CEP63: variants seen among roughly 807,000 people sequenced by gnomAD.
The protein encoded by CEP63 is centrosomal protein 63, also known as centrosomal protein of 63 kDa.
Under a neutral mutation model 89.1 loss-of-function variants are expected in CEP63, and 84 were observed. The ratio of observed to expected loss-of-function variants is 0.94; its 90% CI spans 0.79 to 1.13. The LOEUF is 1.13. Ranked by LOEUF, CEP63 falls within the 50% of genes most tolerant of loss-of-function variation. CEP63 has a pLI of 0.00. For synonymous variants in CEP63, 267 were observed against 272.5 expected, an observed-to-expected ratio of 0.98 and a Z score of 0.20; for missense variants, 838 against 813.3, an observed-to-expected ratio of 1.03 and a Z score of -0.37.
At chr3:134,528,426 C>T (rs982702892) in intron 3 of CEP63, among the ~76,000 whole-genome samples, 7 of 152,274 alleles carry the variant, frequency 4.6e-5, no homozygotes, top group East Asian at 1.9e-4. Flanking sequence ...TTGAGAACTC[C>T]GTAGTCAGCT....
At chr3:134,609,165 C>G in the CEP63 span, among the ~76,000 whole-genome samples, 1 of 152,228 alleles carries the variant, frequency 6.6e-6, no homozygotes, top group African/African-American at 2.4e-5. Flanking sequence ...GTGGACCACG[C>G]AGTGGGGTCG....
intron 1 of CEP63, among the ~76,000 whole-genome samples, chr3:134,492,875 A>G (rs1938228943): frequency 6.6e-6 from 1 of 152,182 alleles, no homozygotes; most frequent in South Asian, 2.1e-4. Context: ...AGTTTATCAT[A>G]GTCAAGTTAT....
In CEP63 at chr3:134,506,896, C is replaced by A. The variant is rs1943574384; in HGVS notation, c.45-213C>A. On this transcript the variant is annotated intron_variant, in intron 2 of 14. Coordinates refer to ENST00000675561, the MANE Select transcript of CEP63 (RefSeq NM_001353108.3). ...TCATGCCACTGCACTCCAGCCTGGGCAACAAGAATGAAACTCCATCTCAAA... is the reference window on the plus strand; with the variant it reads ...TCATGCCACTGCACTCCAGCCTGGGAAACAAGAATGAAACTCCATCTCAAA... Among the ~76,000 whole-genome samples, 3 of 88,726 alleles carry A rather than the reference C, an allele frequency of 3.4e-5. No individual in the cohort carries two copies. In the South Asian group the frequency reaches 1.1e-3, roughly 33 times the overall value. The allele number at this position is 88,726 out of a possible 152,430, so 58.2% of individuals were successfully genotyped here.
At chr3:134,650,011 C>A in the CEP63 span, among the ~76,000 whole-genome samples, 1 of 152,192 alleles carries the variant, frequency 6.6e-6, no homozygotes, top group Non-Finnish European at 1.5e-5. Context: ...AGACAGCTTG[C>A]CATCCAGGAC....
chr3:134,736,682 C>A, the CEP63 span, among the ~76,000 whole-genome samples: 3 of 152,232 alleles, frequency 2.0e-5, no homozygotes, highest in East Asian at 3.9e-4. Flanking sequence ...TGGAATGATA[C>A]ATCACATTCA....
rs1415703780 is a variant in CEP63 at position 134,534,091 on chromosome 3, A to G, written c.441+1191A>G. On this transcript the variant is annotated intron_variant, in intron 5 of 14. Coordinates refer to ENST00000675561, the MANE Select transcript of CEP63 (RefSeq NM_001353108.3). ...TGTTACCAGCCTATACTGCCAGCCA[A>G]TGAACATAACAACCAAAATAGTCAT... Among the ~76,000 whole-genome samples the G allele has an allele frequency of 4.6e-5, 7 of 152,156 alleles. 1 individual carries two copies. Among genetic ancestry groups the G allele is most frequent in the Non-Finnish European group, 1.0e-4 (7 of 68,026 alleles).
At chr3:134,534,930 C>T (rs769423693) in intron 5 of CEP63, among the ~76,000 whole-genome samples, 9 of 152,142 alleles carry the variant, frequency 5.9e-5, no homozygotes, top group Non-Finnish European at 1.0e-4. Context: ...TGTCCACCCA[C>T]CTATCTGCAT....
chr3:134,767,696 C>G, the CEP63 span, among the ~76,000 whole-genome samples: 1 of 152,194 alleles, frequency 6.6e-6, no homozygotes, highest in Admixed American at 6.5e-5. Context: ...AAGGTAACTT[C>G]AGATGCACAA....
chr3:134,705,545 C>A, the CEP63 span, among the ~76,000 whole-genome samples: 1 of 152,212 alleles, frequency 6.6e-6, no homozygotes, highest in Non-Finnish European at 1.5e-5. Context: ...TGGGGATGAA[C>A]CTTCTCCAAA....
chr3:134,554,598 C>A (rs1382108914), intron 12 of CEP63, among the ~76,000 whole-genome samples: 28 of 150,078 alleles, frequency 1.9e-4, no homozygotes, highest in Non-Finnish European at 3.6e-4. Context: ...GGTATATACC[C>A]AGTAATGGGA....
chr3:134,687,880 C>T, the CEP63 span, among the ~76,000 whole-genome samples: 2 of 152,296 alleles, frequency 1.3e-5, no homozygotes, highest in South Asian at 4.1e-4. Flanking sequence ...ATTCACAACC[C>T]ACAAATAGCT....
At chr3:134,737,200 A>G in the CEP63 span, among the ~76,000 whole-genome samples, 6 of 152,170 alleles carry the variant, frequency 3.9e-5, no homozygotes, top group Admixed American at 2.0e-4. Flanking sequence ...TCAATATTTT[A>G]GAAGGAGATA....
chr3:134,658,208 C>A, the CEP63 span, among the ~76,000 whole-genome samples: 2,655 of 152,234 alleles, frequency 0.017, 26 homozygotes, highest in Non-Finnish European at 0.028. Flanking sequence ...TACATGGTAA[C>A]CCTTTCTAAT....
intron 3 of CEP63, among the ~76,000 whole-genome samples, chr3:134,514,863 G>A (rs1945857972): frequency 6.6e-6 from 1 of 152,164 alleles, no homozygotes; most frequent in Non-Finnish European, 1.5e-5. Flanking sequence ...AAATGTATGG[G>A]TAAATCTAAA....
At chr3:134,762,692 A>C in the CEP63 span, among the ~76,000 whole-genome samples, 1 of 152,192 alleles carries the variant, frequency 6.6e-6, no homozygotes, top group African/African-American at 2.4e-5. Flanking sequence ...CTCACAGGAG[A>C]AACCAGCCCC....
rs749957960 is a variant in CEP63, at chr3:134,545,620, C to T, written c.590C>T (p.Ser197Phe). The change falls in exon 7 of 15, where the codon TCT becomes TTT. Residue 197 changes from serine to phenylalanine, a missense_variant. Ser to Phe is a radical substitution (Grantham distance 155). Transcript: ENST00000675561. ...QLVNRKQKLE[S>F]VELSSQSEIQ... is the part of the protein sequence containing the mutation. ...GTCAATCGGAAACAGAAATTAGAGTCTGTGGAACTTTCTAGCCAATCAGAA... is the reference window on the plus strand; with the variant it reads ...GTCAATCGGAAACAGAAATTAGAGTTTGTGGAACTTTCTAGCCAATCAGAA... The T allele has an allele frequency of 1.2e-6, 2 of 1,614,086 alleles. No homozygotes were observed. The highest frequency in any genetic ancestry group is 2.2e-5 in the East Asian group (1 of 44,858).
At chr3:134,528,488 C>T (rs1949121571) in intron 3 of CEP63, among the ~76,000 whole-genome samples, 1 of 152,068 alleles carries the variant, frequency 6.6e-6, no homozygotes. Flanking sequence ...TATAATTCTG[C>T]AGGTGGGTCT....
At chr3:134,658,475 AG>A in the CEP63 span, among the ~76,000 whole-genome samples, 3 of 152,208 alleles carry the variant, frequency 2.0e-5, no homozygotes, top group African/African-American at 4.8e-5. Flanking sequence ...TTTGAGGGCC[AG>A]GGGGCCAGGT....
chr3:134,665,540 C>A, the CEP63 span, among the ~76,000 whole-genome samples: 1 of 152,150 alleles, frequency 6.6e-6, no homozygotes, highest in East Asian at 1.9e-4. Context: ...GAGGGGCCTC[C>A]GTGATGAAAA....
Sources: gnomAD v4.1 joint callset for allele counts (sites outside exome capture counted in the v4.1 genomes callset) on GRCh38, gnomAD v4.1.1 for gene constraint, MANE v1.5 for transcripts, NCBI Gene and HGNC (gene_info 2026-07-23, HGNC 2026-07-21) for gene names.